The following MLF1 variants were observed in gnomAD, a reference collection of about 807,000 sequenced individuals.
MLF1 encodes myelodysplasia-myeloid leukemia factor 1.
Under a neutral mutation model 38.3 loss-of-function variants are expected in MLF1, and 37 were observed. The observed-to-expected ratio is 0.96, with a 90% CI of 0.74 to 1.27. The LOEUF (loss-of-function observed/expected upper bound fraction) is 1.27, where lower values mean the gene tolerates loss of function less well. MLF1 is among the 50% of genes most tolerant of loss of function. The pLI, the probability that MLF1 is intolerant of heterozygous loss-of-function variation, is 0.00. For missense variants in MLF1, 331 were observed against 349.2 expected (o/e 0.95, Z 0.42); for synonymous variants, 95 against 106.5 (o/e 0.89, Z 0.66).
chr3:158,597,869 C>G (rs150470262), intron 4 of MLF1, among the ~76,000 whole-genome samples: 1 of 152,032 alleles, frequency 6.6e-6, no homozygotes, highest in Admixed American at 6.6e-5. Context: ...AATGGACGAC[C>G]GTTAGGACCC....
At chr3:158,599,620 C>T (rs1266444593) in intron 5 of MLF1, among the ~76,000 whole-genome samples, 3 of 152,034 alleles carry the variant, frequency 2.0e-5, no homozygotes, top group South Asian at 2.1e-4. Flanking sequence ...AGTTGATAGT[C>T]GGGAATCATG....
chr3:158,582,950 TTTCTTA>T (rs1214063005), intron 1 of MLF1: 22 of 668,242 alleles, frequency 3.3e-5, no homozygotes, highest in East Asian at 1.1e-4. Context: ...CACATTTATT[TTTCTTA>T]TTCTTAATGG....
intron 3 of MLF1, 93 bp downstream of exon 3, chr3:158,593,519 T>C: frequency 1.0e-6 from 1 of 966,628 alleles, no homozygotes; most frequent in Non-Finnish European, 1.5e-6. Flanking sequence ...GCATGCAGCC[T>C]CACTTCCATA....
chr3:158,593,031 C>T (rs1339395554), intron 2 of MLF1, among the ~76,000 whole-genome samples: 2 of 151,960 alleles, frequency 1.3e-5, no homozygotes, highest in East Asian at 3.9e-4. Context: ...ACCTTCAAAG[C>T]TTAGATTAAC....
At chr3:158,573,192 A>G (rs942207357) in intron 1 of MLF1, 6 of 151,432 alleles carry the variant, frequency 4.0e-5, no homozygotes, top group Non-Finnish European at 8.8e-5. Flanking sequence ...TGAGTGGGGA[A>G]TGTGTCAATG....
intron 1 of MLF1, among the ~76,000 whole-genome samples, chr3:158,575,744 A>G (rs181758167): frequency 2.0e-4 from 30 of 152,252 alleles, no homozygotes; most frequent in African/African-American, 4.8e-4. Context: ...CTTGTAGTCA[A>G]TCTGGTATTT....
chr3:158,600,827 GTCTC>G (rs201343723), intron 6 of MLF1, among the ~76,000 whole-genome samples: 2 of 151,362 alleles, frequency 1.3e-5, no homozygotes, highest in African/African-American at 2.4e-5. Flanking sequence ...TTACATGTAT[GTCTC>G]TCTCTCTCAA....
chr3:158,600,270 T>G, intron 6 of MLF1, 97 bp downstream of exon 6: 1 of 643,486 alleles, frequency 1.6e-6, no homozygotes, highest in Non-Finnish European at 2.3e-6. Flanking sequence ...TAAGATGTAG[T>G]TTTTGAATAA....
At position 158,598,258 on chromosome 3, in the gene MLF1, A is replaced by G. The variant is rs185888368; in HGVS notation, c.453+50A>G. 3,912 of 1,565,130 alleles carry G rather than the reference A, an allele frequency of 2.5e-3. 6 individuals carry two copies. Among genetic ancestry groups the G allele is most frequent in the Non-Finnish European group, 3.0e-3 (3,509 of 1,153,612 alleles). ...AAGTTTTATAAAGTTAGGGGATGAT[A>G]GACTGTCTAGATCAAATTTTAACTA... On this transcript the variant is annotated intron_variant, in intron 5 of 7. Coordinates refer to ENST00000466246, the MANE Select transcript of MLF1 (RefSeq NM_001369783.1).
chr3:158,579,154 C>A (rs990358622), intron 1 of MLF1, among the ~76,000 whole-genome samples: 1 of 152,008 alleles, frequency 6.6e-6, no homozygotes, highest in Non-Finnish European at 1.5e-5. Context: ...CTCCTATTTC[C>A]AATTTGTTTT....
chr3:158,584,456 A>G (rs1716894278), intron 1 of MLF1, among the ~76,000 whole-genome samples: 1 of 152,214 alleles, frequency 6.6e-6, no homozygotes, highest in Non-Finnish European at 1.5e-5. Context: ...AATATCCACA[A>G]TGTACAGATG....
intron 6 of MLF1, among the ~76,000 whole-genome samples, chr3:158,600,432 A>ACT (rs1469335461): frequency 1.0e-5 from 1 of 98,164 alleles, no homozygotes; most frequent in Non-Finnish European, 2.1e-5. Context: ...GTTATTTAGT[A>ACT]ATATCATTAG....
chr3:158,584,760 C>A (rs571292253), intron 1 of MLF1, among the ~76,000 whole-genome samples: 3 of 151,024 alleles, frequency 2.0e-5, no homozygotes, highest in African/African-American at 7.3e-5. Flanking sequence ...GATGTCCAAT[C>A]TTTTGGCTTC....
At chr3:158,581,951 A>G (rs1030058186) in intron 1 of MLF1, among the ~76,000 whole-genome samples, 1 of 152,210 alleles carries the variant, frequency 6.6e-6, no homozygotes, top group African/African-American at 2.4e-5. Flanking sequence ...AGGCCAAGGC[A>G]GATGGATCAC....
intron 1 of MLF1, among the ~76,000 whole-genome samples, chr3:158,577,461 T>G (rs1560095843): frequency 6.6e-6 from 1 of 152,216 alleles, no homozygotes; most frequent in Non-Finnish European, 1.5e-5. Context: ...AAAAGTAGCT[T>G]GAGAATACTC....
At chr3:158,595,293 G>A (rs564573141) in intron 3 of MLF1, among the ~76,000 whole-genome samples, 3 of 152,224 alleles carry the variant, frequency 2.0e-5, no homozygotes, top group Non-Finnish European at 2.9e-5. Context: ...AACATTTAAG[G>A]AAGAAAGAGG....
rs1412149774 is a variant in MLF1 at position 158,601,925 on chromosome 3, TC to T, written c.614-880del. Among the ~76,000 whole-genome samples, 4 of 149,874 alleles carry T rather than the reference TC, an allele frequency of 2.7e-5. No individual in the cohort carries two copies. The East Asian group carries it at 8.1e-4, about 30-fold the overall frequency. The stretch of plus-strand genomic sequence containing the variant: ...TCCGCCTCCCAGGTTCACGCCATTC[TC>T]CTGCCACAGCCTCCTGAGTAGCTGG... On this transcript the variant is annotated intron_variant, in intron 6 of 7. Coordinates refer to ENST00000466246, the MANE Select transcript of MLF1 (RefSeq NM_001369783.1).
intron 1 of MLF1, among the ~76,000 whole-genome samples, chr3:158,575,594 G>C (rs1008687553): frequency 2.6e-5 from 4 of 152,040 alleles, no homozygotes; most frequent in African/African-American, 9.7e-5. Context: ...ACTGACCTTA[G>C]GAACATAGAG....
intron 1 of MLF1, among the ~76,000 whole-genome samples, chr3:158,583,299 G>C (rs1716698453): frequency 6.6e-6 from 1 of 152,172 alleles, no homozygotes; most frequent in East Asian, 1.9e-4. Flanking sequence ...CAACAGAAAG[G>C]ATAATGTGAG....
Sources: gnomAD v4.1 joint callset for allele counts (sites outside exome capture counted in the v4.1 genomes callset) on GRCh38, gnomAD v4.1.1 for gene constraint, MANE v1.5 for transcripts, NCBI Gene and HGNC (gene_info 2026-07-23, HGNC 2026-07-21) for gene names.